The following MPST variants were observed in gnomAD, a reference collection of about 807,000 sequenced individuals.
MPST encodes the protein mercaptopyruvate sulfurtransferase.
Under a neutral mutation model 28.5 loss-of-function variants are expected in MPST, and 27 were observed. The observed-to-expected ratio is 0.95, with a 90% CI of 0.70 to 1.31. MPST has a LOEUF of 1.31. Ranked by LOEUF, MPST falls within the 50% of genes most tolerant of loss-of-function variation. The probability of loss-of-function intolerance (pLI) is 0.00; values close to 1 mark genes in which losing one functional copy is unlikely to be tolerated. For synonymous variants in MPST, 204 were observed against 209.3 expected (o/e 0.97, Z 0.22); for missense variants, 492 against 471.1 (o/e 1.04, Z -0.41).
chr22:37,029,628 A>G lies in MPST; in HGVS notation c.*114A>G. The G allele has an allele frequency of 7.1e-6, 8 of 1,125,740 alleles. No homozygotes were observed. In the South Asian group the frequency reaches 1.3e-4, roughly 18 times the overall value. The allele number at this position is 1,125,740 out of a possible 1,614,324, so 69.7% of individuals were successfully genotyped here. On this transcript the variant is annotated 3_prime_UTR_variant, in exon 3 of 3. Coordinates refer to ENST00000429360, the MANE Select transcript of MPST (RefSeq NM_021126.8). ...TGTTTCTTCACTCAACTCAGGTGGC[A>G]TTTGGGGTGACATCTCAAAGGCCAG...
At position 37,024,506 on chromosome 22, in the gene MPST, C is replaced by G. The variant is rs760769140; in HGVS notation, c.351C>G (p.Val117=). 1.9e-5 allele frequency: 29 copies of G among 1,563,922 alleles called. No individual in the cohort carries two copies. In the East Asian group the frequency reaches 5.0e-4, roughly 27 times the overall value. ...GRLGVGAATH[V]VIYDASDQGL... ...TGGGCGTGGGCGCGGCCACCCACGT[C>G]GTGATCTACGACGCCAGCGACCAGG... The change falls in exon 2 of 3, where the codon GTC becomes GTG. Residue 117 remains valine (V), a synonymous_variant. Coordinates refer to ENST00000429360, the MANE Select transcript of MPST (RefSeq NM_021126.8).
intron 2 of MPST, 174 bp downstream of exon 2, chr22:37,024,984 C>G (rs1225638172): frequency 1.0e-5 from 15 of 1,497,236 alleles, no homozygotes; most frequent in Non-Finnish European, 1.4e-5. Context: ...TTTCCCTACC[C>G]TTGCCTTCTT....
Position 37,029,476 on chromosome 22 carries a change from G to A in MPST, c.916G>A (p.Glu306Lys), listed in dbSNP as rs377346580. The A allele has an allele frequency of 1.8e-5, 29 of 1,610,586 alleles. No homozygotes were observed. Among genetic ancestry groups the A allele is most frequent in the African/African-American group, 1.7e-4 (13 of 74,878 alleles). The stretch of plus-strand genomic sequence containing the variant: ...GGAGTGGTACATGCGCGCCCGGCCC[G>A]AGGATGTCATCTCAGAGGGCCGGGG... ...WVEWYMRARPEDVISEGRGKT... is the reference protein window; with the variant it reads ...WVEWYMRARPKDVISEGRGKT... Residue 306 changes from glutamate (E) to lysine (K), a missense_variant, in exon 3 of 3, where the codon GAG becomes AAG. Coordinates refer to ENST00000429360, the MANE Select transcript of MPST (RefSeq NM_021126.8).
rs1923419674 is a variant in MPST, at chr22:37,025,008, G to T, written c.655+198G>T. ...CCTTGCCTTCTTTTCACAGGGTCTGGCTCTACCGCCCAGGCTGGAGTGCAG... is the reference window on the plus strand; with the variant it reads ...CCTTGCCTTCTTTTCACAGGGTCTGTCTCTACCGCCCAGGCTGGAGTGCAG... On this transcript the variant is annotated intron_variant, in intron 2 of 2. Transcript: ENST00000429360. The T allele has an allele frequency of 2.0e-6, 3 of 1,485,834 alleles. No individual in the cohort carries two copies. The African/African-American group carries it at 4.2e-5, about 21-fold the overall frequency. 92.0% of individuals were successfully genotyped at this position (1,485,834 alleles called of 1,614,324 possible).
chr22:37,021,308 G>T (rs1232272181), intron 1 of MPST, among the ~76,000 whole-genome samples: 1 of 152,006 alleles, frequency 6.6e-6, no homozygotes. Context: ...CTCCTTTATG[G>T]CCCACAGACC....
intron 1 of MPST, among the ~76,000 whole-genome samples, chr22:37,022,441 C>T (rs778657936): frequency 8.5e-5 from 13 of 152,218 alleles, no homozygotes; most frequent in Non-Finnish European, 1.8e-4. Flanking sequence ...GTGTCCGGCA[C>T]AAGGCCTGAC....
In MPST at chr22:37,029,329, A is replaced by C; in HGVS notation, c.769A>C (p.Lys257Gln). The C allele has an allele frequency of 6.2e-7, 1 of 1,614,182 alleles. No individual in the cohort carries two copies. The highest frequency in any genetic ancestry group is 8.5e-7 in the Non-Finnish European group (1 of 1,180,040). ...EEIRHLFQEK[K>Q]VDLSKPLVAT... ...GATCCGCCATCTGTTCCAGGAGAAGAAAGTGGACCTGTCTAAGCCACTGGT... is the reference window on the plus strand; with the variant it reads ...GATCCGCCATCTGTTCCAGGAGAAGCAAGTGGACCTGTCTAAGCCACTGGT... Residue 257 changes from lysine (K) to glutamine (Q), a missense_variant, in exon 3 of 3, where the codon AAA (lysine) becomes CAA (glutamine). Lys to Gln is a moderately conservative substitution (Grantham distance 53). Transcript: ENST00000429360.
intron 1 of MPST, chr22:37,020,317 A>C (rs1479422805): frequency 3.2e-5 from 5 of 154,444 alleles, no homozygotes; most frequent in Non-Finnish European, 5.7e-5. Context: ...GAAACTTACT[A>C]AGACAGGAGA....
At chr22:37,023,630 T>TGAA (rs1923236158) in intron 1 of MPST, 1 of 348,682 alleles carries the variant, frequency 2.9e-6, no homozygotes, top group African/African-American at 2.2e-5. Flanking sequence ...ACCAGGCCTC[T>TGAA]TAAGATCACT....
Position 37,019,865 on chromosome 22 carries a change from A to T in MPST, c.29A>T (p.Glu10Val). MAEPGSRES[E>V]TRARSPSVAA... ...GCGGAGCCAGGAAGCCGGGAGTCCG[A>T]GACCCGGGTAACTGCCGCGGCGTGG... Residue 10 changes from glutamate (E) to valine (V), a missense_variant, in exon 1 of 3, where the codon GAG becomes GTG. Coordinates refer to ENST00000429360, the MANE Select transcript of MPST (RefSeq NM_021126.8). The T allele has an allele frequency of 8.2e-7, 1 of 1,220,202 alleles. No individual in the cohort carries two copies. The highest frequency in any genetic ancestry group is 1.0e-6 in the Non-Finnish European group (1 of 974,754). 75.6% of individuals were successfully genotyped at this position (1,220,202 alleles called of 1,614,324 possible).
intron 1 of MPST, chr22:37,023,954 G>A: frequency 4.6e-6 from 7 of 1,516,090 alleles, no homozygotes; most frequent in East Asian, 2.6e-5. Context: ...GGGGCTCTCC[G>A]GGAGGTCATG....
intron 2 of MPST, 51 bp from the exon 3 acceptor site, chr22:37,029,165 C>T: frequency 1.3e-6 from 2 of 1,544,868 alleles, no homozygotes; most frequent in Non-Finnish European, 8.8e-7. Flanking sequence ...TACGAGGTAC[C>T]ATTCATAGCA....
chr22:37,022,464 G>A (rs989861547), intron 1 of MPST, among the ~76,000 whole-genome samples: 2 of 152,228 alleles, frequency 1.3e-5, no homozygotes, highest in African/African-American at 4.8e-5. Context: ...CATGGGTGAA[G>A]TAGGTTCCTA....
At chr22:37,027,113 C>T (rs113365516) in intron 2 of MPST, 1,593 of 152,366 alleles carry the variant, frequency 0.01, 16 homozygotes, top group Middle Eastern at 0.02. Context: ...CCACCACGCC[C>T]GGCTAATGTT....
chr22:37,029,530 A>G lies in MPST; in HGVS notation c.*16A>G. The G allele has an allele frequency of 6.3e-7, 1 of 1,578,886 alleles. No individual in the cohort carries two copies. The highest frequency in any genetic ancestry group is 2.3e-5 in the East Asian group (1 of 43,596). On this transcript the variant is annotated 3_prime_UTR_variant, in exon 3 of 3. Transcript: ENST00000429360. ...GACCCACTGAAGCTGGGCAGGACAC[A>G]GGCGAGCTCAGGTGATGCCGGCCAC...
At chr22:37,023,004 C>T (rs1307121415) in intron 1 of MPST, 2 of 152,662 alleles carry the variant, frequency 1.3e-5, no homozygotes, top group East Asian at 3.8e-4. Flanking sequence ...GTGGGCTGGC[C>T]TGGCATAGTG....
intron 1 of MPST, among the ~76,000 whole-genome samples, chr22:37,022,091 C>A (rs1006008877): frequency 6.6e-6 from 1 of 152,038 alleles, no homozygotes. Context: ...GTGGTTCCCA[C>A]AATAGGGTTC....
At chr22:37,020,506 C>A (rs4820267) in intron 1 of MPST, among the ~76,000 whole-genome samples, 1 of 152,148 alleles carries the variant, frequency 6.6e-6, no homozygotes, top group African/African-American at 2.4e-5. Flanking sequence ...TGATGTAATT[C>A]AATTTTTAAT....
At chr22:37,021,082 C>T (rs1923034728) in intron 1 of MPST, among the ~76,000 whole-genome samples, 1 of 152,152 alleles carries the variant, frequency 6.6e-6, no homozygotes, top group Non-Finnish European at 1.5e-5. Flanking sequence ...CCAAGAGGAG[C>T]TCCCAAGCTC....
Sources: allele counts gnomAD v4.1 joint callset (sites outside exome capture counted in the v4.1 genomes callset), GRCh38; gene constraint gnomAD v4.1.1; transcripts MANE v1.5; gene names NCBI Gene and HGNC (gene_info 2026-07-23, HGNC 2026-07-21).